Variants in ABL2 observed in about 807,000 individuals in gnomAD.
ABL2 encodes tyrosine-protein kinase ABL2.
ABL2 carries 49 observed loss-of-function variants against 107.7 expected under a neutral mutation model. The observed-to-expected ratio is 0.45, with a 90% CI of 0.36 to 0.58. The LOEUF is 0.58. Among genes scored for constraint, ABL2 ranks in the 20% least tolerant of loss-of-function variants. The pLI is 0.00. For synonymous variants in ABL2, 549 were observed against 548.6 expected (o/e 1.00, Z -0.01); for missense variants, 1,245 against 1,457.0 (o/e 0.85, Z 2.37).
chr1:179,180,718 GT>G (rs529800028), intron 1 of ABL2, among the ~76,000 whole-genome samples: 227 of 152,246 alleles, frequency 1.5e-3, no homozygotes, highest in African/African-American at 5.3e-3. Flanking sequence ...TAAATTTTAT[GT>G]TGTGTTTATT....
chr1:179,155,727 T>C (rs1172188345), intron 1 of ABL2, among the ~76,000 whole-genome samples: 2 of 137,324 alleles, frequency 1.5e-5, no homozygotes, highest in Non-Finnish European at 3.0e-5. Flanking sequence ...CAAGACTCCA[T>C]CTCAATTAAA....
intron 1 of ABL2, among the ~76,000 whole-genome samples, chr1:179,191,482 A>T (rs2816200): frequency 7.0e-6 from 1 of 143,132 alleles, no homozygotes. Flanking sequence ...GTGCAAAGGC[A>T]CAATCTCGGC....
At chr1:179,116,954 T>C in intron 8 of ABL2, 1 of 287,352 alleles carries the variant, frequency 3.5e-6, no homozygotes, top group Non-Finnish European at 6.7e-6. Context: ...TGCCTCAGCC[T>C]TCAGCCTCTT....
At chr1:179,228,299 AT>A (rs1387661757) in intron 1 of ABL2, among the ~76,000 whole-genome samples, 1 of 152,104 alleles carries the variant, frequency 6.6e-6, no homozygotes, top group African/African-American at 2.4e-5. Context: ...GTGAGCCGAC[AT>A]CCCGCCATTG....
At chr1:179,156,187 G>A (rs1255431295) in intron 1 of ABL2, among the ~76,000 whole-genome samples, 3 of 152,196 alleles carry the variant, frequency 2.0e-5, no homozygotes, top group African/African-American at 4.8e-5. Context: ...GAAGAGGTAT[G>A]TCTATATGTA....
At chr1:179,202,429 A>T (rs1661725875) in intron 1 of ABL2, among the ~76,000 whole-genome samples, 1 of 152,216 alleles carries the variant, frequency 6.6e-6, no homozygotes, top group African/African-American at 2.4e-5. Flanking sequence ...TGTTTTCAAT[A>T]GTTAACAGTA....
chr1:179,110,123 A>G (rs986897545), intron 11 of ABL2, among the ~76,000 whole-genome samples, 159 bp downstream of exon 11: 5 of 152,322 alleles, frequency 3.3e-5, no homozygotes, highest in African/African-American at 1.2e-4. Flanking sequence ...CCAGAGTTGT[A>G]TGTTGGATGG....
In ABL2 at chr1:179,229,637, GCCGCCGCCGCCGCCGCCA is replaced by G. The variant is rs1019250245; in HGVS notation, c.-258_-241del. On this transcript the variant is annotated 5_prime_UTR_variant, in exon 1 of 12. Coordinates refer to ENST00000502732, the MANE Select transcript of ABL2 (RefSeq NM_007314.4). ...GTCGCGGCTCCGCGCCCCCAACGCC[GCCGCCGCCGCCGCCGCCA>G]CCGCCGCCGCCATCTTTAAACCACC... 2.7e-5 allele frequency: 13 copies of G among 485,786 alleles called. No individual in the cohort carries two copies. Among genetic ancestry groups the G allele is most frequent in the Admixed American group, 1.3e-4 (3 of 23,062 alleles). The allele number at this position is 485,786 out of a possible 1,614,324, so 30.1% of individuals were successfully genotyped here. A position where few individuals can be genotyped will look rare whatever the true frequency, so the allele number is the denominator to read the frequency against.
Position 179,131,314 on chromosome 1 carries a change from TA to T in ABL2, c.387del (p.Gly131ValfsTer35). On this transcript the variant is annotated frameshift_variant, in exon 3 of 12. Transcript: ENST00000502732. LOFTEE classifies it high-confidence loss of function. ...GGATGCTACATAGAAGCCTCACCTT[TA>T]GTGATGCTGAGTGTGTTATCACCAC... ...VASGDNTLSI[T>X]KGEKLRVLGY... 6.2e-7 allele frequency: 1 copy of T among 1,613,316 alleles called. No individual in the cohort carries two copies. The highest frequency in any genetic ancestry group is 8.5e-7 in the Non-Finnish European group (1 of 1,179,350).
chr1:179,198,041 C>T (rs2102836572), intron 1 of ABL2, among the ~76,000 whole-genome samples: 1 of 151,694 alleles, frequency 6.6e-6, no homozygotes. Context: ...GGCGTGGTGG[C>T]ACACGTCTAT....
chr1:179,184,488 A>G, intron 1 of ABL2: 1 of 793,486 alleles, frequency 1.3e-6, no homozygotes, highest in Non-Finnish European at 2.1e-6. Flanking sequence ...TATGTTAGGA[A>G]AGTTCATCAA....
chr1:179,216,718 CTT>C (rs553254452), intron 1 of ABL2, among the ~76,000 whole-genome samples: 5 of 145,048 alleles, frequency 3.4e-5, no homozygotes, highest in Admixed American at 1.4e-4. Flanking sequence ...TACACAGATT[CTT>C]TTTTTTTTTT....
At chr1:179,191,615 T>C (rs1427240922) in intron 1 of ABL2, among the ~76,000 whole-genome samples, 1 of 151,832 alleles carries the variant, frequency 6.6e-6, no homozygotes, top group East Asian at 1.9e-4. Context: ...AGAGATAGGG[T>C]TTCACCGTGT....
chr1:179,132,239 A>G (rs146944056), intron 2 of ABL2, among the ~76,000 whole-genome samples: 6 of 152,032 alleles, frequency 3.9e-5, no homozygotes, highest in African/African-American at 1.5e-4. Flanking sequence ...TCGGGCATTT[A>G]TTGAGTTTCT....
chr1:179,118,842 G>T, intron 6 of ABL2, 78 bp from the exon 7 acceptor site: 2 of 1,492,796 alleles, frequency 1.3e-6, no homozygotes, highest in South Asian at 2.5e-5. Flanking sequence ...AGAATAATTT[G>T]ACAATTTTTC....
chr1:179,180,405 A>T (rs1660304760), intron 1 of ABL2, among the ~76,000 whole-genome samples: 1 of 152,156 alleles, frequency 6.6e-6, no homozygotes, highest in South Asian at 2.1e-4. Context: ...CCCTCTGAGG[A>T]GCTGCCACGA....
chr1:179,159,465 T>C (rs1353491039), intron 1 of ABL2, among the ~76,000 whole-genome samples: 2 of 152,236 alleles, frequency 1.3e-5, no homozygotes, highest in African/African-American at 4.8e-5. Flanking sequence ...TGATGGGATT[T>C]CTGGTTCAGC....
chr1:179,146,688 C>G (rs1658007320), intron 1 of ABL2, among the ~76,000 whole-genome samples: 1 of 152,092 alleles, frequency 6.6e-6, no homozygotes, highest in African/African-American at 2.4e-5. Flanking sequence ...GTGAGTCTCA[C>G]AAGATCTGAT....
intron 1 of ABL2, among the ~76,000 whole-genome samples, chr1:179,198,708 AAAAAAAAAC>A (rs1661481013): frequency 6.6e-6 from 1 of 150,902 alleles, no homozygotes; most frequent in African/African-American, 2.4e-5. Flanking sequence ...AAAAAAAAAA[AAAAAAAAAC>A]AAAGCCACAT....
Sources: gnomAD v4.1 joint callset for allele counts (sites outside exome capture counted in the v4.1 genomes callset) on GRCh38, gnomAD v4.1.1 for gene constraint, MANE v1.5 for transcripts, NCBI Gene and HGNC (gene_info 2026-07-23, HGNC 2026-07-21) for gene names.